Variants in AUTS2 observed in about 807,000 individuals in gnomAD.
The protein encoded by AUTS2 is autism susceptibility gene 2 protein.
Under a neutral mutation model 112.4 loss-of-function variants are expected in AUTS2, and 17 were observed. The observed-to-expected ratio is 0.15, with a 90% CI of 0.10 to 0.23. The LOEUF is 0.23. Among genes scored for constraint, AUTS2 ranks in the 10% least tolerant of loss-of-function variants. The probability of loss-of-function intolerance (pLI) is 1.00; values close to 1 mark genes in which losing one functional copy is unlikely to be tolerated. For synonymous variants in AUTS2, 751 were observed against 702.7 expected, an observed-to-expected ratio of 1.07 and a Z score of -1.09; for missense variants, 1,510 against 1,701.6, an observed-to-expected ratio of 0.89 and a Z score of 1.98.
intron 4 of AUTS2, among the ~76,000 whole-genome samples, chr7:70,181,045 T>C (rs897692174): frequency 1.9e-4 from 29 of 152,248 alleles, no homozygotes; most frequent in Middle Eastern, 3.2e-3. Flanking sequence ...TATGCTTATA[T>C]TTTGGAAAAT....
chr7:70,709,737 G>A (rs1489505772), intron 6 of AUTS2, among the ~76,000 whole-genome samples: 1 of 152,146 alleles, frequency 6.6e-6, no homozygotes, highest in Non-Finnish European at 1.5e-5. Flanking sequence ...ATATCTTTTA[G>A]GGCCTCTCAG....
intron 1 of AUTS2, among the ~76,000 whole-genome samples, chr7:69,635,582 C>G (rs776244966): frequency 6.6e-6 from 1 of 152,186 alleles, no homozygotes; most frequent in Non-Finnish European, 1.5e-5. Flanking sequence ...CCTAATTCAG[C>G]GTCCTGTCTC....
intron 1 of AUTS2, among the ~76,000 whole-genome samples, chr7:69,696,961 TAG>T (rs1189886049): frequency 6.6e-6 from 1 of 152,242 alleles, no homozygotes; most frequent in African/African-American, 2.4e-5. Context: ...AAAAAACGTT[TAG>T]AGTTATCTTA....
At chr7:70,289,577 G>A (rs896846358) in intron 4 of AUTS2, among the ~76,000 whole-genome samples, 6 of 152,200 alleles carry the variant, frequency 3.9e-5, no homozygotes, top group Non-Finnish European at 8.8e-5. Context: ...AATATAAGAA[G>A]TGGAGAGAAG....
intron 4 of AUTS2, among the ~76,000 whole-genome samples, chr7:70,232,357 A>G (rs1812100437): frequency 1.3e-5 from 2 of 151,412 alleles, no homozygotes; most frequent in South Asian, 4.2e-4. Context: ...ACATACGTAC[A>G]GTTTTAACGT....
At chr7:69,889,057 G>A (rs1794404304) in intron 1 of AUTS2, among the ~76,000 whole-genome samples, 1 of 152,184 alleles carries the variant, frequency 6.6e-6, no homozygotes, top group Non-Finnish European at 1.5e-5. Flanking sequence ...AATTTCACAA[G>A]TTCATTCTCC....
intron 2 of AUTS2, among the ~76,000 whole-genome samples, chr7:70,031,743 CCTGT>C (rs1800790179): frequency 6.6e-6 from 1 of 152,124 alleles, no homozygotes; most frequent in Non-Finnish European, 1.5e-5. Flanking sequence ...TACATCTGCT[CCTGT>C]TTCTGTGTAT....
At position 69,598,664 on chromosome 7, in the gene AUTS2, C is replaced by G. The variant is rs1792180166; in HGVS notation, c.-990C>G. The G allele has an allele frequency of 6.2e-6, 1 of 162,580 alleles. No homozygotes were observed. The highest frequency in any genetic ancestry group is 1.3e-5 in the Non-Finnish European group (1 of 75,392). 10.1% of individuals were successfully genotyped at this position (162,580 alleles called of 1,614,324 possible). ...GGCGGCGGCGGCGGCACACCGGTGT[C>G]TCTCCCGCTGGAGATTTCTTTCTGC... On this transcript the variant is annotated 5_prime_UTR_variant, in exon 1 of 19. Transcript: ENST00000342771.
chr7:70,533,371 C>G (rs1465321412), intron 5 of AUTS2, among the ~76,000 whole-genome samples: 1 of 152,140 alleles, frequency 6.6e-6, no homozygotes, highest in African/African-American at 2.4e-5. Context: ...ACCTGACCCT[C>G]CCGGAGTGAT....
intron 2 of AUTS2, among the ~76,000 whole-genome samples, chr7:69,921,926 T>A (rs1795833190): frequency 6.6e-6 from 1 of 151,976 alleles, no homozygotes; most frequent in South Asian, 2.1e-4. Context: ...TTAGTGGGCA[T>A]GGTGGCACAT....
chr7:69,877,936 T>C (rs1793876851), intron 1 of AUTS2, among the ~76,000 whole-genome samples: 1 of 151,980 alleles, frequency 6.6e-6, no homozygotes, highest in African/African-American at 2.4e-5. Flanking sequence ...GAAGATATAG[T>C]TGGTACCATC....
At chr7:70,263,039 C>T (rs1314882209) in intron 4 of AUTS2, among the ~76,000 whole-genome samples, 1 of 151,748 alleles carries the variant, frequency 6.6e-6, no homozygotes. Flanking sequence ...TGTGTATTTG[C>T]ATAAATGTTA....
At chr7:69,821,270 G>T (rs866537437) in intron 1 of AUTS2, among the ~76,000 whole-genome samples, 1 of 152,176 alleles carries the variant, frequency 6.6e-6, no homozygotes. Flanking sequence ...AGTCCTGAGA[G>T]GTGAAGCCAG....
chr7:70,244,567 C>T (rs952726710), intron 4 of AUTS2, among the ~76,000 whole-genome samples: 2 of 152,142 alleles, frequency 1.3e-5, no homozygotes, highest in Admixed American at 1.3e-4. Context: ...AGTTTCTCAT[C>T]CCTCTAAAGA....
intron 1 of AUTS2, among the ~76,000 whole-genome samples, chr7:69,665,981 C>T (rs965208362): frequency 1.3e-5 from 2 of 152,066 alleles, no homozygotes; most frequent in South Asian, 4.1e-4. Flanking sequence ...AGTGCTATGT[C>T]CTTGGTAAAT....
chr7:69,707,244 A>G (rs1171544237), intron 1 of AUTS2, among the ~76,000 whole-genome samples: 69 of 152,212 alleles, frequency 4.5e-4, no homozygotes, highest in Non-Finnish European at 1.2e-4. Context: ...AATTTGCCCC[A>G]TTGGTAAGAA....
chr7:70,240,684 A>T (rs1812564642), intron 4 of AUTS2, among the ~76,000 whole-genome samples: 1 of 152,218 alleles, frequency 6.6e-6, no homozygotes, highest in African/African-American at 2.4e-5. Flanking sequence ...TTAATATAGC[A>T]TGTGCAATAT....
In AUTS2 at chr7:70,791,825, G is replaced by GA. The variant is rs1791983901; in HGVS notation, c.*832dup. ...AAGTTGCCGCTTGTGGGCTCTGGGG[G>GA]AAAGTGTAGCCCCGGAGAGGTAACT... On this transcript the variant is annotated 3_prime_UTR_variant, in exon 19 of 19. Coordinates refer to ENST00000342771, the MANE Select transcript of AUTS2 (RefSeq NM_015570.4). 1 of 152,166 alleles carries GA rather than the reference G, an allele frequency of 6.6e-6. No homozygotes were observed. The highest frequency in any genetic ancestry group is 2.1e-4 in the South Asian group (1 of 4,826). The allele number at this position is 152,166 out of a possible 1,614,324, so 9.4% of individuals were successfully genotyped here. A position where few individuals can be genotyped will look rare whatever the true frequency, so the allele number is the denominator to read the frequency against.
At chr7:70,494,660 A>G (rs1215009802) in intron 5 of AUTS2, among the ~76,000 whole-genome samples, 1 of 151,990 alleles carries the variant, frequency 6.6e-6, no homozygotes, top group African/African-American at 2.4e-5. Flanking sequence ...TCCACTTAAG[A>G]GAACAGACTG....
Sources: gnomAD v4.1 joint callset for allele counts (sites outside exome capture counted in the v4.1 genomes callset) on GRCh38, gnomAD v4.1.1 for gene constraint, MANE v1.5 for transcripts, NCBI Gene and HGNC (gene_info 2026-07-23, HGNC 2026-07-21) for gene names.